Variants in GLI2 observed in about 807,000 individuals in gnomAD.
GLI2 encodes GLI family zinc finger 2, also known as transcription activator GLI2.
GLI2 carries 22 observed loss-of-function variants against 78.9 expected under a neutral mutation model. The observed-to-expected ratio is 0.28, with a 90% CI of 0.20 to 0.40. The LOEUF (loss-of-function observed/expected upper bound fraction) is 0.40. Among genes scored for constraint, GLI2 ranks in the 10% least tolerant of loss-of-function variants. The pLI is 1.00. For missense variants in GLI2, 2,097 were observed against 2,213.2 expected (o/e 0.95, Z 1.05); for synonymous variants, 974 against 963.7 (o/e 1.01, Z -0.20).
intron 2 of GLI2, among the ~76,000 whole-genome samples, chr2:120,852,453 G>A (rs147436193): frequency 6.6e-6 from 1 of 152,302 alleles, no homozygotes; most frequent in African/African-American, 2.4e-5. Flanking sequence ...CTGGCTTTCC[G>A]ACAGGACCCC....
intron 1 of GLI2, among the ~76,000 whole-genome samples, chr2:120,773,818 G>C (rs1467451763): frequency 1.3e-5 from 2 of 152,032 alleles, no homozygotes; most frequent in African/African-American, 2.4e-5. Context: ...AGCGGTGTTG[G>C]AGGCTCATTA....
rs1296359696 is a variant in GLI2 at position 120,800,358 on chromosome 2, C to T, written c.148+2890C>T. ...GACTGAGTCGACTCCCCTGTTGCTG[C>T]GCAGGTGACCACTTAGAAGCCTGGC... On this transcript the variant is annotated intron_variant, in intron 2 of 13. Transcript: ENST00000361492. The surrounding 1 kb of genome is among the most constrained non-coding windows in gnomAD (Gnocchi z 4.1). Among the ~76,000 whole-genome samples, 1 of 152,044 alleles carries T rather than the reference C, an allele frequency of 6.6e-6. No homozygotes were observed. Among genetic ancestry groups the T allele is most frequent in the African/African-American group, 2.4e-5 (1 of 41,392 alleles).
intron 8 of GLI2, chr2:120,972,527 A>C (rs1558927161): frequency 2.2e-6 from 1 of 452,772 alleles, no homozygotes; most frequent in Admixed American, 2.3e-5. Flanking sequence ...ACTGAGCTCC[A>C]GGCCCACACA....
At chr2:120,921,453 G>A (rs1172126119) in intron 2 of GLI2, among the ~76,000 whole-genome samples, 1 of 152,124 alleles carries the variant, frequency 6.6e-6, no homozygotes, top group Non-Finnish European at 1.5e-5. Context: ...CCCTCCTGAA[G>A]CCTTGGGGTG....
chr2:120,803,427 A>G (rs977215540), intron 2 of GLI2, among the ~76,000 whole-genome samples: 21 of 152,316 alleles, frequency 1.4e-4, no homozygotes, highest in African/African-American at 4.8e-4. Flanking sequence ...TATTCTTCCT[A>G]CCAGTTTTCC....
At chr2:120,955,152 C>CTTTTTATTTTTTTTTT in intron 4 of GLI2, 93 bp from the exon 5 acceptor site, 1 of 304,670 alleles carries the variant, frequency 3.3e-6, no homozygotes, top group Non-Finnish European at 5.9e-6. Context: ...TTTCTCTCTG[C>CTTTTTATTTTTTTTTT]CTTTTTTTTT....
At chr2:120,906,191 A>C (rs149423817) in intron 2 of GLI2, among the ~76,000 whole-genome samples, 1 of 152,144 alleles carries the variant, frequency 6.6e-6, no homozygotes, top group Non-Finnish European at 1.5e-5. Flanking sequence ...GGTGACCAGG[A>C]CTCCTTGACT....
chr2:120,772,836 A>G (rs1683562312), intron 1 of GLI2, among the ~76,000 whole-genome samples: 1 of 152,242 alleles, frequency 6.6e-6, no homozygotes, highest in African/African-American at 2.4e-5. Context: ...CCTCTTCTCC[A>G]GCATGCAGCC....
At chr2:120,776,966 A>G (rs1683697011) in intron 1 of GLI2, among the ~76,000 whole-genome samples, 1 of 152,166 alleles carries the variant, frequency 6.6e-6, no homozygotes. Context: ...TCCTGTCTCC[A>G]GAAGGACCCA....
At chr2:120,985,589 CT>C (rs894731907) in intron 12 of GLI2, among the ~76,000 whole-genome samples, 11 of 152,186 alleles carry the variant, frequency 7.2e-5, no homozygotes, top group African/African-American at 2.7e-4. Context: ...CCCAAGAAAG[CT>C]GGAATTTGGG....
At chr2:120,776,665 A>C (rs992129095) in intron 1 of GLI2, among the ~76,000 whole-genome samples, 1 of 151,972 alleles carries the variant, frequency 6.6e-6, no homozygotes, top group Non-Finnish European at 1.5e-5. Context: ...TTATCCCTGG[A>C]CTCTGGTTCT....
intron 1 of GLI2, among the ~76,000 whole-genome samples, chr2:120,780,094 C>G (rs1683793568): frequency 1.3e-5 from 2 of 151,518 alleles, no homozygotes; most frequent in South Asian, 4.2e-4. Flanking sequence ...CACATAAATA[C>G]CTTTGGGTTT....
At chr2:120,860,550 C>T (rs4848124) in intron 2 of GLI2, among the ~76,000 whole-genome samples, 58,739 of 152,018 alleles carry the variant, frequency 0.39, 12,047 homozygotes, top group East Asian at 0.73. Context: ...GGAGTGGTCA[C>T]GGGCCACTTT....
Position 120,971,956 on chromosome 2 carries a change from G to C in GLI2, c.1075G>C (p.Glu359Gln). Residue 359 changes from glutamate to glutamine, a missense_variant, in exon 8 of 14, where the codon GAG (glutamate) becomes CAG (glutamine). Around this residue, in one of 5 missense-constraint regions of GLI2, gnomAD observed 578 missense variants for 612.0 expected, o/e 0.94. Coordinates refer to ENST00000361492, the MANE Select transcript of GLI2 (RefSeq NM_001374353.1). ...CCTTCCTCAGAACAAGCAGAGCAGTGAGTCGGCCGTCAGCAGCACCGTCAA... is the reference window on the plus strand; with the variant it reads ...CCTTCCTCAGAACAAGCAGAGCAGTCAGTCGGCCGTCAGCAGCACCGTCAA... ...SDTNQNKQSS[E>Q]SAVSSTVNPV... 6.2e-7 allele frequency: 1 copy of C among 1,613,814 alleles called. No individual in the cohort carries two copies. Among genetic ancestry groups the C allele is most frequent in the South Asian group, 1.1e-5 (1 of 91,078 alleles).
At chr2:120,879,978 C>T (rs951294302) in intron 2 of GLI2, among the ~76,000 whole-genome samples, 1 of 152,164 alleles carries the variant, frequency 6.6e-6, no homozygotes. Flanking sequence ...TGTATATTTT[C>T]ATATTTCTGC....
At chr2:120,947,018 G>A (rs1353786379) in intron 3 of GLI2, among the ~76,000 whole-genome samples, 1 of 152,210 alleles carries the variant, frequency 6.6e-6, no homozygotes, top group Non-Finnish European at 1.5e-5. Context: ...GGGGGTTCCA[G>A]CTCCCTACCC....
intron 2 of GLI2, among the ~76,000 whole-genome samples, chr2:120,858,317 T>C (rs1687752406): frequency 6.6e-6 from 1 of 152,232 alleles, no homozygotes; most frequent in African/African-American, 2.4e-5. Flanking sequence ...TAAGTACTCC[T>C]TGTGGTACTT....
At chr2:120,819,238 G>GCTTT (rs1685649060) in intron 2 of GLI2, among the ~76,000 whole-genome samples, 1 of 77,648 alleles carries the variant, frequency 1.3e-5, no homozygotes, top group African/African-American at 5.5e-5. Flanking sequence ...CACTAATAGA[G>GCTTT]ATTTTTTTTT....
At chr2:120,907,676 A>G (rs558653736) in intron 2 of GLI2, among the ~76,000 whole-genome samples, 2 of 152,166 alleles carry the variant, frequency 1.3e-5, no homozygotes, top group Non-Finnish European at 2.9e-5. Flanking sequence ...CTTCCTTGAC[A>G]GTTCCTCACT....
Sources: allele counts gnomAD v4.1 joint callset (sites outside exome capture counted in the v4.1 genomes callset), GRCh38; gene constraint gnomAD v4.1.1; regional missense constraint gnomAD v4.1.1; non-coding constraint Gnocchi (gnomAD v3.1); transcripts MANE v1.5; gene names NCBI Gene and HGNC (gene_info 2026-07-23, HGNC 2026-07-21).